Variants in PCDHGA1 observed in about 807,000 individuals in gnomAD.
PCDHGA1 encodes protocadherin gamma-A1.
A neutral mutation model predicts 58.0 loss-of-function variants in PCDHGA1; 32 were observed. The observed-to-expected ratio is 0.55, with a 90% CI of 0.42 to 0.74. PCDHGA1 has a LOEUF of 0.74. Ranked by LOEUF, PCDHGA1 falls within the 30% of genes least tolerant of loss-of-function variation. PCDHGA1 has a pLI of 0.00. For missense variants in PCDHGA1, 1,205 were observed against 1,182.3 expected (o/e 1.02, Z -0.28); for synonymous variants, 498 against 501.1 (o/e 0.99, Z 0.08).
In PCDHGA1 at chr5:141,393,943, G is replaced by A. The variant is rs186465469; in HGVS notation, c.2421+60838G>A. Reference sequence around the variant, plus strand: ...TTGAGTGTGCATGACCAAGACTCTGGAAAGAATGGTCAAGTTGTCTGTTAC... The same window carrying A: ...TTGAGTGTGCATGACCAAGACTCTGAAAAGAATGGTCAAGTTGTCTGTTAC... On this transcript the variant is annotated intron_variant, in intron 1 of 3. Transcript: ENST00000517417. 1.6e-5 allele frequency: 26 copies of A among 1,613,936 alleles called. No homozygotes were observed. The East Asian group carries it at 3.1e-4, about 19-fold the overall frequency.
intron 1 of PCDHGA1, chr5:141,399,489 A>G (rs764497801): frequency 2.5e-6 from 4 of 1,614,008 alleles, no homozygotes; most frequent in South Asian, 1.1e-5. Context: ...CGTCCTACTT[A>G]GTCAGTGTAC....
chr5:141,433,001 G>T, intron 1 of PCDHGA1: 1 of 1,614,156 alleles, frequency 6.2e-7, no homozygotes, highest in African/African-American at 1.3e-5. Flanking sequence ...CGGGGTGCAG[G>T]CTTTCCTGCA....
chr5:141,500,184 T>TTTTATTTATTTATTTATTTA (rs58019021), intron 2 of PCDHGA1, among the ~76,000 whole-genome samples: 1 of 135,886 alleles, frequency 7.4e-6, no homozygotes, highest in African/African-American at 2.7e-5. Flanking sequence ...TCATTTTTAT[T>TTTTATTTATTTATTTATTTA]TTTATTTATT....
At chr5:141,418,196 C>G in intron 1 of PCDHGA1, 1 of 1,614,032 alleles carries the variant, frequency 6.2e-7, no homozygotes, top group Non-Finnish European at 8.5e-7. Context: ...GGTGGAAAAT[C>G]CTTTAAATAT....
intron 1 of PCDHGA1, chr5:141,383,286 C>T (rs373163257): frequency 4.3e-6 from 7 of 1,613,770 alleles, no homozygotes; most frequent in African/African-American, 1.3e-5. Flanking sequence ...TTAATGACAA[C>T]GTTCCAAGAT....
rs769660544 is a variant in PCDHGA1, at chr5:141,332,281, A to T, written c.1597A>T (p.Met533Leu). 6.2e-7 allele frequency: 1 copy of T among 1,614,212 alleles called. No individual in the cohort carries two copies. The highest frequency in any genetic ancestry group is 1.1e-5 in the South Asian group (1 of 91,088). ...EQFRDMQLKV[M>L]ARDSGDPPLS... is the part of the protein sequence containing the mutation. ...GTTCCGGGACATGCAACTGAAAGTG[A>T]TGGCGCGGGACAGTGGGGATCCGCC... Residue 533 changes from methionine (M) to leucine (L), a missense_variant, in exon 1 of 4, where the codon ATG (methionine) becomes TTG (leucine). Met to Leu is a conservative substitution (Grantham distance 15). Transcript: ENST00000517417. The surrounding 1 kb of genome is among the most constrained non-coding windows in gnomAD (Gnocchi z 4.6).
chr5:141,372,199 C>A (rs1366394152), intron 1 of PCDHGA1: 1 of 1,613,572 alleles, frequency 6.2e-7, no homozygotes, highest in Non-Finnish European at 8.5e-7. Context: ...GGATACAACG[C>A]CTGGCTGTCC....
intron 1 of PCDHGA1, chr5:141,416,674 G>T (rs547618174): frequency 6.6e-6 from 1 of 152,132 alleles, no homozygotes; most frequent in Non-Finnish European, 1.5e-5. Context: ...TATATGCAAC[G>T]AAGGGAAATT....
intron 1 of PCDHGA1, chr5:141,382,738 C>A (rs1464522704): frequency 1.7e-6 from 1 of 572,972 alleles, no homozygotes; most frequent in East Asian, 2.8e-5. Context: ...CACAGAGAAA[C>A]GACAGATTGC....
chr5:141,356,222 A>G (rs759995020), intron 1 of PCDHGA1: 1 of 1,598,310 alleles, frequency 6.3e-7, no homozygotes, highest in South Asian at 1.1e-5. Context: ...CTGGATGAAA[A>G]TGACAACGCA....
chr5:141,445,456 T>A (rs921684111), intron 1 of PCDHGA1, among the ~76,000 whole-genome samples: 8 of 152,218 alleles, frequency 5.3e-5, no homozygotes, highest in Non-Finnish European at 1.0e-4. Flanking sequence ...GATGCAGCAA[T>A]GAACAAGGCA....
At chr5:141,384,890 TG>T in intron 1 of PCDHGA1, 1 of 1,613,868 alleles carries the variant, frequency 6.2e-7, no homozygotes, top group Non-Finnish European at 8.5e-7. Flanking sequence ...ACCGTGGCTG[TG>T]GCTGACAGCA....
chr5:141,405,533 C>T (rs2094681755), intron 1 of PCDHGA1: 2 of 648,174 alleles, frequency 3.1e-6, no homozygotes. Context: ...GATTCTCCTG[C>T]CTCAGCCTCC....
At chr5:141,362,734 T>C (rs955970127) in intron 1 of PCDHGA1, 2 of 766,658 alleles carry the variant, frequency 2.6e-6, no homozygotes, top group Non-Finnish European at 4.1e-6. Flanking sequence ...TGAGATTTAT[T>C]TACCCATGAT....
At chr5:141,378,089 T>C (rs1272599640) in intron 1 of PCDHGA1, 1 of 152,254 alleles carries the variant, frequency 6.6e-6, no homozygotes, top group East Asian at 1.9e-4. Flanking sequence ...TATAACTTTT[T>C]TTCAAACTCT....
At chr5:141,337,591 G>T (rs573593503) in intron 1 of PCDHGA1, among the ~76,000 whole-genome samples, 2 of 152,314 alleles carry the variant, frequency 1.3e-5, no homozygotes, top group Non-Finnish European at 2.9e-5. Context: ...AGAGAAAAAA[G>T]GTAGAATGGT....
At chr5:141,362,972 A>G (rs1422229452) in intron 1 of PCDHGA1, among the ~76,000 whole-genome samples, 1 of 152,258 alleles carries the variant, frequency 6.6e-6, no homozygotes, top group African/African-American at 2.4e-5. Flanking sequence ...CAAAGAAGAA[A>G]GACTTTTGCA....
chr5:141,468,920 A>G (rs2099185605), intron 1 of PCDHGA1, among the ~76,000 whole-genome samples: 1 of 151,612 alleles, frequency 6.6e-6, no homozygotes, highest in South Asian at 2.1e-4. Context: ...AGAAGAGAAT[A>G]GCACTAAAAT....
chr5:141,438,700 AC>A (rs2098052453), intron 1 of PCDHGA1, among the ~76,000 whole-genome samples: 1 of 144,406 alleles, frequency 6.9e-6, no homozygotes, highest in Non-Finnish European at 1.5e-5. Context: ...TTGCTCTGTC[AC>A]CCAGGCTGGA....
Sources: gnomAD v4.1 joint callset for allele counts (sites outside exome capture counted in the v4.1 genomes callset) on GRCh38, gnomAD v4.1.1 for gene constraint, Gnocchi (gnomAD v3.1) non-coding constraint, MANE v1.5 for transcripts, NCBI Gene and HGNC (gene_info 2026-07-23, HGNC 2026-07-21) for gene names.